Variants in DMD observed in about 807,000 individuals in gnomAD.
The protein encoded by DMD is mutant dystrophin.
DMD carries 63 observed loss-of-function variants against 330.1 expected under a neutral mutation model. That is an observed-to-expected ratio of 0.19 (90% CI 0.16 to 0.24). The LOEUF is 0.24. Among genes scored for constraint, DMD ranks in the 10% least tolerant of loss-of-function variants. The pLI is 1.00. For missense variants in DMD, 3,344 were observed against 2,684.1 expected, an observed-to-expected ratio of 1.25 and a Z score of -5.43; for synonymous variants, 1,223 against 959.8, an observed-to-expected ratio of 1.27 and a Z score of -5.07.
At chrX:32,129,896 A>C (rs1039943116) in intron 44 of DMD, among the ~76,000 whole-genome samples, 2 of 110,968 alleles carry the variant, frequency 1.8e-5, no homozygotes, top group Non-Finnish European at 3.8e-5. Context: ...GCTGCAACAC[A>C]ATACTTTTTA....
At chrX:32,879,106 G>A (rs1414979959) in intron 2 of DMD, among the ~76,000 whole-genome samples, 2 of 110,658 alleles carry the variant, frequency 1.8e-5, no homozygotes, top group African/African-American at 6.6e-5. Context: ...ATATCCATGT[G>A]TATCAAGCCT....
At position 31,315,640 on chromosome X, in the gene DMD, C is replaced by T. The variant is rs988305001; in HGVS notation, c.9224+7958G>A. Among the ~76,000 whole-genome samples, 5 of 112,240 alleles carry T rather than the reference C, an allele frequency of 4.5e-5. No individual in the cohort carries two copies. In the Admixed American group the frequency reaches 4.7e-4, roughly 11 times the overall value. On this transcript the variant is annotated intron_variant, in intron 62 of 78. Coordinates refer to ENST00000357033, the MANE Select transcript of DMD (RefSeq NM_004006.3). ...ATTTCCAAAAGTGCCACGAATGAGG[C>T]AGGGAATGCTATACCATGTGTATTA...
chrX:32,723,334 A>G (rs1456895038), intron 7 of DMD, among the ~76,000 whole-genome samples: 1 of 111,216 alleles, frequency 9.0e-6, no homozygotes, highest in Non-Finnish European at 1.9e-5. Flanking sequence ...TACTTTATTG[A>G]GGACTTTCAC....
At chrX:31,529,229 A>T (rs1329551687) in intron 55 of DMD, among the ~76,000 whole-genome samples, 2 of 107,594 alleles carry the variant, frequency 1.9e-5, no homozygotes, top group African/African-American at 6.8e-5. Flanking sequence ...TTCAAAAAAA[A>T]AAAAAATTAG....
chrX:32,645,522 A>C lies in DMD; in HGVS notation c.961-370T>G, dbSNP rs1184244866. ...CATATACATTATCAGAATTATATTTACATACCTCTGCAATGGCATTAAAGG... is the reference window on the plus strand; with the variant it reads ...CATATACATTATCAGAATTATATTTCCATACCTCTGCAATGGCATTAAAGG... On this transcript the variant is annotated intron_variant, in intron 9 of 78. Transcript: ENST00000357033. 3.6e-5 allele frequency among the ~76,000 whole-genome samples: 4 copies of C among 112,057 alleles called. No homozygotes were observed. The East Asian group carries it at 1.1e-3, about 31-fold the overall frequency.
chrX:31,496,911 C>T lies in DMD; in HGVS notation c.8424G>A (p.Lys2808=), dbSNP rs2147076254. The change falls in exon 57 of 79, where the codon AAG becomes AAA. Residue 2808 remains lysine, a synonymous_variant. Coordinates refer to ENST00000357033, the MANE Select transcript of DMD (RefSeq NM_004006.3). ...GTTCCTGCAGAGAAAGGTGCAGACG[C>T]TTCCACTGGTCAGAACTGGCTTCCA... The part of the protein sequence containing the change: ...SHLEASSDQW[K]RLHLSLQELL... 6 of 1,210,587 alleles carry T rather than the reference C, an allele frequency of 5.0e-6. No individual in the cohort carries two copies. The highest frequency in any genetic ancestry group is 6.7e-6 in the Non-Finnish European group (6 of 894,847).
chrX:33,282,337 G>A (rs753176556), intron 1 of DMD, among the ~76,000 whole-genome samples: 4 of 111,726 alleles, frequency 3.6e-5, no homozygotes, highest in Non-Finnish European at 7.5e-5. Context: ...GGAACAGACA[G>A]TGCTTTCTGG....
intron 1 of DMD, among the ~76,000 whole-genome samples, chrX:33,209,233 G>T (rs190019976): frequency 9.0e-6 from 1 of 110,848 alleles, no homozygotes; most frequent in Admixed American, 9.6e-5. Flanking sequence ...ATAATGTTAT[G>T]TCATGTAAGA....
intron 2 of DMD, among the ~76,000 whole-genome samples, chrX:32,959,095 G>C (rs1253716084): frequency 2.7e-5 from 3 of 111,859 alleles, no homozygotes; most frequent in Non-Finnish European, 3.8e-5. Flanking sequence ...TATGAAGTTT[G>C]TAAGTATATT....
At chrX:32,326,135 A>T (rs1173260323) in intron 41 of DMD, among the ~76,000 whole-genome samples, 2 of 111,967 alleles carry the variant, frequency 1.8e-5, no homozygotes, top group Non-Finnish European at 3.8e-5. Flanking sequence ...ACTTGAAGGG[A>T]CACTAATGAC....
intron 54 of DMD, among the ~76,000 whole-genome samples, chrX:31,639,977 G>A (rs2079637310): frequency 9.0e-6 from 1 of 111,005 alleles, no homozygotes. Flanking sequence ...GAGAGAATGA[G>A]GATGTGTCCC....
intron 1 of DMD, among the ~76,000 whole-genome samples, chrX:33,133,913 A>G (rs1211343613): frequency 8.9e-6 from 1 of 112,187 alleles, no homozygotes; most frequent in African/African-American, 3.2e-5. Context: ...AAGGAAAATC[A>G]AACAATAAAA....
chrX:32,861,576 C>T (rs9887516), intron 2 of DMD, among the ~76,000 whole-genome samples: 38,758 of 110,298 alleles, frequency 0.35, 5,112 homozygotes, highest in South Asian at 0.44. Flanking sequence ...AGAAGTGTCA[C>T]TACTACTCTT....
intron 44 of DMD, among the ~76,000 whole-genome samples, chrX:32,196,986 CA>C (rs71872245): frequency 0.085 from 4,181 of 49,304 alleles, 97 homozygotes; most frequent in Admixed American, 0.13. Flanking sequence ...GACTCCATCT[CA>C]AAAAAAAAAA....
At chrX:32,972,429 C>T (rs2092415645) in intron 2 of DMD, among the ~76,000 whole-genome samples, 1 of 111,304 alleles carries the variant, frequency 9.0e-6, no homozygotes, top group African/African-American at 3.3e-5. Context: ...ATCTGCCCAC[C>T]TTGGCCTCCT....
chrX:33,030,125 A>AATGTCACATAAATG (rs1466520213), intron 1 of DMD, among the ~76,000 whole-genome samples: 6 of 111,654 alleles, frequency 5.4e-5, no homozygotes, highest in Admixed American at 9.5e-5. Flanking sequence ...TGACACATGT[A>AATGTCACATAAATG]TGACATATTA....
intron 33 of DMD, among the ~76,000 whole-genome samples, chrX:32,382,473 G>A (rs2097930906): frequency 9.0e-6 from 1 of 111,251 alleles, no homozygotes; most frequent in South Asian, 3.6e-4. Context: ...TGCTACAATC[G>A]AAATAAATAT....
chrX:32,927,831 G>A (rs1289665231), intron 2 of DMD, among the ~76,000 whole-genome samples: 1 of 110,380 alleles, frequency 9.1e-6, no homozygotes, highest in Admixed American at 9.7e-5. Context: ...GTGCACACAC[G>A]GATTATTTGA....
intron 1 of DMD, among the ~76,000 whole-genome samples, chrX:33,224,814 C>T (rs892255278): frequency 6.3e-5 from 7 of 111,117 alleles, no homozygotes; most frequent in East Asian, 2.8e-4. Flanking sequence ...CATGCTCGTG[C>T]GGGCACAATG....
Sources: allele counts gnomAD v4.1 joint callset (sites outside exome capture counted in the v4.1 genomes callset), GRCh38; gene constraint gnomAD v4.1.1; transcripts MANE v1.5; gene names NCBI Gene and HGNC (gene_info 2026-07-23, HGNC 2026-07-21).